The following THADA variants were observed in gnomAD, a reference collection of about 807,000 sequenced individuals.
The protein encoded by THADA is THADA armadillo repeat containing.
THADA carries 213 observed loss-of-function variants against 219.8 expected under a neutral mutation model. The ratio of observed to expected loss-of-function variants is 0.97; its 90% CI spans 0.87 to 1.09. The LOEUF (loss-of-function observed/expected upper bound fraction) is 1.09, where lower values mean the gene tolerates loss of function less well. Among genes scored for constraint, THADA ranks in the 50% least tolerant of loss-of-function variants. The pLI is 0.00. For synonymous variants in THADA, 1,018 were observed against 828.9 expected (o/e 1.23, Z -3.92); for missense variants, 2,956 against 2,311.3 (o/e 1.28, Z -5.72).
intron 26 of THADA, 58 bp downstream of exon 26, chr2:43,485,176 G>T: frequency 2.2e-6 from 3 of 1,359,584 alleles, no homozygotes; most frequent in Non-Finnish European, 3.1e-6. Context: ...ATTTGTTTTT[G>T]GCCAGGACAA....
chr2:43,470,412 C>T (rs1041192015), intron 26 of THADA, among the ~76,000 whole-genome samples: 4 of 151,740 alleles, frequency 2.6e-5, no homozygotes, highest in Admixed American at 6.6e-5. Flanking sequence ...AGGGGGGAAA[C>T]GAAATGTTTA....
chr2:43,438,607 CTG>C (rs1680445157), intron 26 of THADA, among the ~76,000 whole-genome samples: 1 of 152,072 alleles, frequency 6.6e-6, no homozygotes, highest in Non-Finnish European at 1.5e-5. Context: ...CATGAGTAAA[CTG>C]TAGTATAGTA....
intron 8 of THADA, among the ~76,000 whole-genome samples, chr2:43,579,006 A>G (rs780287793): frequency 1.3e-5 from 2 of 152,056 alleles, no homozygotes; most frequent in Non-Finnish European, 2.9e-5. Context: ...TAATTTTTGT[A>G]TCTTTAGTAG....
chr2:43,456,848 A>ATAC (rs1464273872), intron 26 of THADA, among the ~76,000 whole-genome samples: 1 of 152,204 alleles, frequency 6.6e-6, no homozygotes, highest in Non-Finnish European at 1.5e-5. Flanking sequence ...AGATACTAAG[A>ATAC]TACTAAGAGT....
intron 31 of THADA, among the ~76,000 whole-genome samples, chr2:43,297,141 T>C (rs1675518168): frequency 1.1e-5 from 1 of 92,194 alleles, no homozygotes; most frequent in Non-Finnish European, 2.1e-5. Context: ...GAGGAGCGTC[T>C]CTGCCCGGCC....
intron 29 of THADA, among the ~76,000 whole-genome samples, chr2:43,378,669 G>T (rs1558663654): frequency 6.6e-6 from 1 of 152,184 alleles, no homozygotes; most frequent in Non-Finnish European, 1.5e-5. Context: ...GCAGTGGCAT[G>T]ATCTGGGCTC....
At chr2:43,482,559 T>G (rs1686360090) in intron 26 of THADA, among the ~76,000 whole-genome samples, 1 of 152,204 alleles carries the variant, frequency 6.6e-6, no homozygotes, top group Non-Finnish European at 1.5e-5. Context: ...TTTGTCTCAG[T>G]TGATTATAGT....
At chr2:43,394,476 G>A (rs1464565170) in intron 29 of THADA, among the ~76,000 whole-genome samples, 6 of 152,122 alleles carry the variant, frequency 3.9e-5, no homozygotes, top group African/African-American at 1.4e-4. Context: ...ATGATTTCCT[G>A]CTTTTGAAAA....
At chr2:43,549,139 T>C in intron 20 of THADA, 71 bp downstream of exon 20, 1 of 1,295,310 alleles carries the variant, frequency 7.7e-7, no homozygotes, top group Non-Finnish European at 1.0e-6. Context: ...ATTTACCATA[T>C]AAAAAGGGCA....
intron 22 of THADA, among the ~76,000 whole-genome samples, chr2:43,509,729 A>T (rs753497673): frequency 6.6e-6 from 1 of 152,220 alleles, no homozygotes; most frequent in Non-Finnish European, 1.5e-5. Context: ...AGATTCAGCT[A>T]TATGTTTCAC....
intron 3 of THADA, 27 bp downstream of exon 3, chr2:43,591,925 C>T: frequency 7.1e-7 from 1 of 1,410,606 alleles, no homozygotes; most frequent in Non-Finnish European, 9.5e-7. Context: ...CTTAAAGATG[C>T]ATCCATGAAT....
intron 12 of THADA, among the ~76,000 whole-genome samples, chr2:43,572,463 T>G (rs1270318527): frequency 6.6e-6 from 1 of 152,188 alleles, no homozygotes; most frequent in Admixed American, 6.5e-5. Context: ...TCTTTTCTAA[T>G]CATATCTATC....
At position 43,428,626 on chromosome 2, in the gene THADA, A is replaced by T. The variant is rs149184594; in HGVS notation, c.3927-395T>A. Among the ~76,000 whole-genome samples the T allele has an allele frequency of 3.8e-3, 581 of 152,222 alleles. 3 individuals are homozygous for T. Among genetic ancestry groups the T allele is most frequent in the Admixed American group, 6.4e-3 (98 of 15,292 alleles). ...TTTCAAAAACAAAATTATGTATATG[A>T]AGTGAGACTCCACAATCAAGGGGAT... On this transcript the variant is annotated intron_variant, in intron 27 of 37. Transcript: ENST00000405975.
chr2:43,392,481 C>G (rs1428505089), intron 29 of THADA, among the ~76,000 whole-genome samples: 1 of 152,176 alleles, frequency 6.6e-6, no homozygotes, highest in Non-Finnish European at 1.5e-5. Flanking sequence ...ATCCCTGCTT[C>G]TTGCACAGTG....
chr2:43,440,158 T>C (rs1012494451), intron 26 of THADA, among the ~76,000 whole-genome samples: 4 of 152,238 alleles, frequency 2.6e-5, no homozygotes, highest in Admixed American at 2.0e-4. Context: ...TACAGGTATA[T>C]ACTTTTAGTT....
chr2:43,561,862 A>C (rs574015605), intron 15 of THADA, among the ~76,000 whole-genome samples: 2 of 152,254 alleles, frequency 1.3e-5, no homozygotes, highest in African/African-American at 2.4e-5. Context: ...CTCACCAGTG[A>C]GTGTGATGTT....
intron 10 of THADA, among the ~76,000 whole-genome samples, chr2:43,575,514 T>C (rs1699761772): frequency 6.6e-6 from 1 of 152,196 alleles, no homozygotes; most frequent in Non-Finnish European, 1.5e-5. Context: ...TTCACTACCT[T>C]GACTGTGATG....
intron 31 of THADA, among the ~76,000 whole-genome samples, chr2:43,319,950 G>C (rs1309676362): frequency 6.6e-6 from 1 of 152,148 alleles, no homozygotes; most frequent in African/African-American, 2.4e-5. Context: ...TGTGGATCTG[G>C]GGTCCATCCC....
chr2:43,530,460 A>G (rs1393331795), intron 21 of THADA, among the ~76,000 whole-genome samples: 2 of 152,218 alleles, frequency 1.3e-5, no homozygotes, highest in East Asian at 3.8e-4. Context: ...CTAATACAAA[A>G]TAAGGACTAG....
Sources: allele counts gnomAD v4.1 joint callset (sites outside exome capture counted in the v4.1 genomes callset), GRCh38; gene constraint gnomAD v4.1.1; transcripts MANE v1.5; gene names NCBI Gene and HGNC (gene_info 2026-07-23, HGNC 2026-07-21).